KLRG1: variants seen among roughly 807,000 people sequenced by gnomAD.
KLRG1 encodes killer cell lectin-like receptor subfamily G member 1.
Under a neutral mutation model 21.8 loss-of-function variants are expected in KLRG1, and 16 were observed. That is an observed-to-expected ratio of 0.73 (90% CI 0.50 to 1.11). The LOEUF (loss-of-function observed/expected upper bound fraction) is 1.11, where lower values mean the gene tolerates loss of function less well. Ranked by LOEUF, KLRG1 falls within the 50% of genes most tolerant of loss-of-function variation. KLRG1 has a pLI of 0.00. For synonymous variants in KLRG1, 69 were observed against 75.9 expected, an observed-to-expected ratio of 0.91 and a Z score of 0.47; for missense variants, 173 against 218.3, an observed-to-expected ratio of 0.79 and a Z score of 1.31.
At chr12:9,197,452 TA>T in the KLRG1 span, among the ~76,000 whole-genome samples, 1 of 133,004 alleles carries the variant, frequency 7.5e-6, no homozygotes, top group Non-Finnish European at 1.5e-5. Context: ...TACTGCTTAA[TA>T]ATATATAATA....
the KLRG1 span, among the ~76,000 whole-genome samples, chr12:9,214,549 A>G: frequency 2.0e-5 from 3 of 152,068 alleles, no homozygotes; most frequent in Non-Finnish European, 4.4e-5. Context: ...TTATTAATTT[A>G]AAGGTTTATA....
At chr12:9,115,905 A>G in the KLRG1 span, 1 of 1,442,008 alleles carries the variant, frequency 6.9e-7, no homozygotes. Flanking sequence ...TACTCCCTAC[A>G]ATCCATCTGG....
the KLRG1 span, chr12:9,200,294 T>C: frequency 9.5e-7 from 1 of 1,055,068 alleles, no homozygotes; most frequent in African/African-American, 1.6e-5. Flanking sequence ...AAATTTATAA[T>C]TTTGTACCTA....
At chr12:9,139,409 G>C in the KLRG1 span, among the ~76,000 whole-genome samples, 1 of 152,120 alleles carries the variant, frequency 6.6e-6, no homozygotes, top group Non-Finnish European at 1.5e-5. Context: ...CTGCTGTTTG[G>C]TGGAATATTC....
the KLRG1 span, among the ~76,000 whole-genome samples, chr12:9,170,886 A>G: frequency 5.9e-5 from 9 of 152,278 alleles, no homozygotes; most frequent in South Asian, 8.3e-4. This position sits in a 1 kb window ranked among gnomAD's most constrained non-coding sequence, Gnocchi z 4.6. Context: ...GGTGTCTGCC[A>G]TCTCTGCAGT....
chr12:8,993,350 G>A lies in KLRG1; in HGVS notation c.187+1040G>A, dbSNP rs371773016. On this transcript the variant is annotated intron_variant, in intron 2 of 4. Transcript: ENST00000356986. Reference sequence around the variant, plus strand: ...GTTGTTTGGGCTGGAGTGCAATGGCGTGATCTCGGCTCACTGCAACCTCTG... The same window carrying A: ...GTTGTTTGGGCTGGAGTGCAATGGCATGATCTCGGCTCACTGCAACCTCTG... Among the ~76,000 whole-genome samples, 14 of 152,178 alleles carry A rather than the reference G, an allele frequency of 9.2e-5. No individual in the cohort carries two copies. In the South Asian group the frequency reaches 1.7e-3, roughly 18 times the overall value.
the KLRG1 span, among the ~76,000 whole-genome samples, chr12:9,172,895 A>G: frequency 6.6e-6 from 1 of 152,198 alleles, no homozygotes; most frequent in Non-Finnish European, 1.5e-5. Context: ...TTAACACACC[A>G]CTGACAATAT....
At chr12:9,135,721 A>C in the KLRG1 span, 1 of 179,782 alleles carries the variant, frequency 5.6e-6, no homozygotes, top group Non-Finnish European at 1.1e-5. Flanking sequence ...ATAGAGTGGT[A>C]AACATTTTTT....
chr12:9,158,651 T>TC, the KLRG1 span: 2 of 1,460,672 alleles, frequency 1.4e-6, no homozygotes, highest in South Asian at 2.8e-5. Context: ...ACACACAGGC[T>TC]CCCCCATCAC....
the KLRG1 span, among the ~76,000 whole-genome samples, chr12:9,097,663 T>C: frequency 2.1e-3 from 293 of 141,102 alleles, 1 homozygote; most frequent in African/African-American, 7.4e-3. Flanking sequence ...ACACCAAGTC[T>C]TGCTCTATTG....
the KLRG1 span, among the ~76,000 whole-genome samples, chr12:9,129,032 A>G: frequency 6.6e-6 from 1 of 152,162 alleles, no homozygotes; most frequent in African/African-American, 2.4e-5. Context: ...GAATGTTACC[A>G]GCTAGCCATA....
At chr12:9,043,928 C>T in the KLRG1 span, among the ~76,000 whole-genome samples, 227 of 152,160 alleles carry the variant, frequency 1.5e-3, no homozygotes, top group Non-Finnish European at 2.7e-3. Flanking sequence ...AGAGAGAGAA[C>T]AAGCAGTCTC....
At chr12:9,036,820 G>A in the KLRG1 span, 1 of 420,140 alleles carries the variant, frequency 2.4e-6, no homozygotes, top group South Asian at 2.1e-5. Context: ...GGTTACGAGG[G>A]CTGGCTTGCT....
At chr12:9,052,132 G>T in the KLRG1 span, among the ~76,000 whole-genome samples, 2 of 152,186 alleles carry the variant, frequency 1.3e-5, no homozygotes, top group South Asian at 2.1e-4. Context: ...TGAGGATGGA[G>T]ATTCTCTGAC....
At chr12:8,958,853 T>C (rs1041519336) in intron 1 of KLRG1, among the ~76,000 whole-genome samples, 3 of 120,778 alleles carry the variant, frequency 2.5e-5, no homozygotes, top group Admixed American at 8.2e-5. Context: ...TGATACCCTG[T>C]ATCAAAAAAA....
chr12:9,207,416 C>G, the KLRG1 span, among the ~76,000 whole-genome samples: 5 of 152,192 alleles, frequency 3.3e-5, no homozygotes, highest in Non-Finnish European at 7.3e-5. Context: ...CTTAAATGGC[C>G]TGGACTGCAA....
chr12:9,194,052 CAG>C, the KLRG1 span: 1 of 1,592,256 alleles, frequency 6.3e-7, no homozygotes, highest in Non-Finnish European at 8.6e-7. Flanking sequence ...CCTTTGTCCT[CAG>C]AGATTTGTCT....
chr12:9,064,853 A>G, the KLRG1 span: 1 of 152,454 alleles, frequency 6.6e-6, no homozygotes, highest in East Asian at 2.0e-4. This position sits in a 1 kb window ranked among gnomAD's most constrained non-coding sequence, Gnocchi z 4.0. Context: ...CACCGCGCAC[A>G]CCTCCGACAG....
chr12:9,009,994 A>G lies in KLRG1; in HGVS notation c.*457A>G. On this transcript the variant is annotated 3_prime_UTR_variant, in exon 5 of 5. Coordinates refer to ENST00000356986, the MANE Select transcript of KLRG1 (RefSeq NM_005810.4). The stretch of plus-strand genomic sequence containing the variant: ...ATCCCTGATGGTATATTTCTATCCT[A>G]ACAGTGTCCCTTTGCAGATCAAGCT... 1 of 1,534,358 alleles carries G rather than the reference A, an allele frequency of 6.5e-7. No homozygotes were observed. The highest frequency in any genetic ancestry group is 8.7e-7 in the Non-Finnish European group (1 of 1,145,826).
Sources: allele counts gnomAD v4.1 joint callset (sites outside exome capture counted in the v4.1 genomes callset), GRCh38; gene constraint gnomAD v4.1.1; non-coding constraint Gnocchi (gnomAD v3.1); transcripts MANE v1.5; gene names NCBI Gene and HGNC (gene_info 2026-07-23, HGNC 2026-07-21).